HMGA1: variants seen among roughly 807,000 people sequenced by gnomAD.
HMGA1 encodes high mobility group protein HMG-I/HMG-Y.
A neutral mutation model predicts 15.1 loss-of-function variants in HMGA1; 1 was observed. The ratio of observed to expected loss-of-function variants is 0.07; its 90% CI spans 0.02 to 0.31. The LOEUF (loss-of-function observed/expected upper bound fraction) is 0.31, where lower values mean the gene tolerates loss of function less well. Ranked by LOEUF, HMGA1 falls within the 10% of genes least tolerant of loss-of-function variation. The probability of loss-of-function intolerance (pLI) is 1.00; values close to 1 mark genes in which losing one functional copy is unlikely to be tolerated. For synonymous variants in HMGA1, 56 were observed against 54.8 expected (o/e 1.02, Z -0.10); for missense variants, 94 against 141.4 (o/e 0.66, Z 1.70).
rs1762224090 is a variant in HMGA1, at chr6:34,240,615, A to C, written c.-44-122A>C. 6 of 786,376 alleles carry C rather than the reference A, an allele frequency of 7.6e-6. No individual in the cohort carries two copies. In the East Asian group the frequency reaches 1.6e-4, roughly 21 times the overall value. 48.7% of individuals were successfully genotyped at this position (786,376 alleles called of 1,614,324 possible). On this transcript the variant is annotated intron_variant, in intron 2 of 5. Coordinates refer to ENST00000311487, the MANE Select transcript of HMGA1 (RefSeq NM_145899.3). The stretch of plus-strand genomic sequence containing the variant: ...CAGACCCCTCCATCCTGGGCAGAGT[A>C]GGAGGCCTGGGGGCCCATGGGAGCA...
chr6:34,238,121 G>A (rs1581789616), intron 2 of HMGA1, among the ~76,000 whole-genome samples: 2 of 152,190 alleles, frequency 1.3e-5, no homozygotes, highest in East Asian at 3.9e-4. Context: ...GCGCCCGCGC[G>A]CGCCAGGTTT....
At chr6:34,239,573 G>T (rs1406008405) in intron 2 of HMGA1, among the ~76,000 whole-genome samples, 1 of 152,176 alleles carries the variant, frequency 6.6e-6, no homozygotes, top group African/African-American at 2.4e-5. Flanking sequence ...GATTGAGAGG[G>T]GTTCAGAAGT....
At chr6:34,238,263 G>C (rs1456601959) in intron 2 of HMGA1, among the ~76,000 whole-genome samples, 3 of 152,038 alleles carry the variant, frequency 2.0e-5, no homozygotes, top group Non-Finnish European at 4.4e-5. Flanking sequence ...CTCCCCCCGC[G>C]CGCCCTGGCC....
chr6:34,241,963 C>A (rs1420495891), intron 3 of HMGA1, among the ~76,000 whole-genome samples: 1 of 152,146 alleles, frequency 6.6e-6, no homozygotes, highest in Non-Finnish European at 1.5e-5. Flanking sequence ...TCCTACCCCA[C>A]CTGTTAGCCA....
At chr6:34,242,835 G>A in intron 4 of HMGA1, 40 bp downstream of exon 4, 1 of 1,459,330 alleles carries the variant, frequency 6.9e-7, no homozygotes, top group Non-Finnish European at 9.4e-7. Context: ...TGGATGACTA[G>A]CAGAGGATCC....
At chr6:34,242,654 T>C in intron 3 of HMGA1, 58 bp from the exon 4 acceptor site, 1 of 1,230,450 alleles carries the variant, frequency 8.1e-7, no homozygotes, top group Non-Finnish European at 1.2e-6. Flanking sequence ...GGGCTGTGTC[T>C]TCTGAGGGGG....
In HMGA1 at chr6:34,240,572, G is replaced by C; in HGVS notation, c.-44-165G>C. On this transcript the variant is annotated intron_variant, in intron 2 of 5. Transcript: ENST00000311487. ...GGCCAACGGCCCTTCCCCGCCCTTG[G>C]CAGCATCTGGGGGTGGGCAGACCCC... 3.3e-6 allele frequency: 2 copies of C among 606,598 alleles called. 1 individual carries two copies. The highest frequency in any genetic ancestry group is 3.7e-5 in the South Asian group (2 of 53,386). 37.6% of individuals were successfully genotyped at this position (606,598 alleles called of 1,614,324 possible). A position where few individuals can be genotyped will look rare whatever the true frequency, so the allele number is the denominator to read the frequency against.
intron 2 of HMGA1, among the ~76,000 whole-genome samples, chr6:34,238,106 C>G (rs1761964736): frequency 6.6e-6 from 1 of 152,298 alleles, no homozygotes; most frequent in Non-Finnish European, 1.5e-5. Context: ...TTCTTCCTCT[C>G]CCCCGCGCCC....
At chr6:34,237,901 G>C (rs1318486262) in intron 2 of HMGA1, among the ~76,000 whole-genome samples, 2 of 152,090 alleles carry the variant, frequency 1.3e-5, no homozygotes, top group African/African-American at 4.8e-5. Flanking sequence ...GCCTGGGTTT[G>C]GGGCTTCACC....
chr6:34,242,725 A>G lies in HMGA1; in HGVS notation c.149A>G (p.Glu50Gly). The stretch of plus-strand genomic sequence containing the variant: ...CTGTCTTTACAGAAGGAGCCCAGCG[A>G]AGTGCCAACACCTAAGAGACCTCGG... ...ALVGSQKEPS[E>G]VPTPKRPRGR... Residue 50 changes from glutamate (E) to glycine (G), a missense_variant, in exon 4 of 6, where the codon GAA becomes GGA. Glu to Gly is a moderately conservative substitution (Grantham distance 98). Transcript: ENST00000311487. The G allele has an allele frequency of 6.3e-7, 1 of 1,585,414 alleles. No individual in the cohort carries two copies. Among genetic ancestry groups the G allele is most frequent in the Non-Finnish European group, 8.6e-7 (1 of 1,164,122 alleles).
In HMGA1 at chr6:34,240,735, A is replaced by G. The variant is rs112148299; in HGVS notation, c.-44-2A>G. On this transcript the variant is annotated splice_acceptor_variant, in intron 2 of 5. Transcript: ENST00000311487. LOFTEE classifies it low-confidence loss of function (5UTR_SPLICE). ...GTCTAAAAGCACTTTTCTGTCTCCCAGCATCCCAGCCATCACTCTTCCACC... is the reference window on the plus strand; with the variant it reads ...GTCTAAAAGCACTTTTCTGTCTCCCGGCATCCCAGCCATCACTCTTCCACC... The G allele has an allele frequency of 6.2e-7, 1 of 1,610,516 alleles. No individual in the cohort carries two copies. The highest frequency in any genetic ancestry group is 2.2e-5 in the East Asian group (1 of 44,850).
At position 34,240,732 on chromosome 6, in the gene HMGA1, C is replaced by T; in HGVS notation, c.-44-5C>T. ...TTTGTCTAAAAGCACTTTTCTGTCT[C>T]CCAGCATCCCAGCCATCACTCTTCC... On this transcript the variant is annotated splice_polypyrimidine_tract_variant and splice_region_variant and intron_variant, in intron 2 of 5. Transcript: ENST00000311487. 6.2e-7 allele frequency: 1 copy of T among 1,609,838 alleles called. No homozygotes were observed. Among genetic ancestry groups the T allele is most frequent in the Non-Finnish European group, 8.5e-7 (1 of 1,178,376 alleles).
chr6:34,238,356 T>C (rs1762000591), intron 2 of HMGA1, among the ~76,000 whole-genome samples: 1 of 152,118 alleles, frequency 6.6e-6, no homozygotes, highest in African/African-American at 2.4e-5. Flanking sequence ...GCCTGATGCC[T>C]CGGGGGTTTA....
rs567983797 is a variant in HMGA1 at position 34,241,052 on chromosome 6, CACCTGTGTGTACTCCT to C, written c.135+138_135+153del. On this transcript the variant is annotated intron_variant, in intron 3 of 5. Coordinates refer to ENST00000311487, the MANE Select transcript of HMGA1 (RefSeq NM_145899.3). ...CAGTAAGCGTGTGGGTGTGTCCTCC[CACCTGTGTGTACTCCT>C]GCCCCACTTGCAACCCTGGTCAGAT... 6.1e-4 allele frequency: 614 copies of C among 1,002,332 alleles called. 3 individuals carry two copies. Among genetic ancestry groups the C allele is most frequent in the East Asian group, 5.9e-3 (225 of 38,260 alleles). The allele number at this position is 1,002,332 out of a possible 1,614,324, so 62.1% of individuals were successfully genotyped here.
rs532281980 is a variant in HMGA1, at chr6:34,245,853, G to A, written c.*969G>A. ...TTCCTCTGTTCACAAACTACCTCTG[G>A]ACAGTTGTGTTGTTTTTTGTTCAAT... On this transcript the variant is annotated 3_prime_UTR_variant, in exon 6 of 6. Transcript: ENST00000311487. 4.1e-4 allele frequency: 151 copies of A among 366,800 alleles called. 1 individual carries two copies. The South Asian group carries it at 4.3e-3, about 10-fold the overall frequency. 22.7% of individuals were successfully genotyped at this position (366,800 alleles called of 1,614,324 possible). A position where few individuals can be genotyped will look rare whatever the true frequency, so the allele number is the denominator to read the frequency against.
rs534263154 is a variant in HMGA1, at chr6:34,245,187, C to T, written c.*303C>T. 25 of 1,426,312 alleles carry T rather than the reference C, an allele frequency of 1.8e-5. No homozygotes were observed. The highest frequency in any genetic ancestry group is 4.2e-5 in the African/African-American group (3 of 71,218). 88.4% of individuals were successfully genotyped at this position (1,426,312 alleles called of 1,614,324 possible). On this transcript the variant is annotated 3_prime_UTR_variant, in exon 6 of 6. Transcript: ENST00000311487. ...GGCTAACATCCCACTTAGCCGCACC[C>T]TGCACCTGCTGCGTCCCCACTCCCT...
intron 1 of HMGA1, 99 bp downstream of exon 1, chr6:34,237,062 C>T (rs1055468577): frequency 6.6e-6 from 1 of 152,006 alleles, no homozygotes; most frequent in African/African-American, 2.4e-5. Flanking sequence ...GCCCAGCTTC[C>T]TGCCCCTCGC....
chr6:34,238,606 C>T (rs907478510), intron 2 of HMGA1, among the ~76,000 whole-genome samples: 20 of 152,192 alleles, frequency 1.3e-4, no homozygotes, highest in African/African-American at 4.8e-4. Context: ...ATGGAGGAGA[C>T]AGGCTTGAGG....
chr6:34,241,504 T>A (rs4713761), intron 3 of HMGA1, among the ~76,000 whole-genome samples: 8,216 of 152,252 alleles, frequency 0.054, 484 homozygotes, highest in Admixed American at 0.19. Flanking sequence ...TAGATGGAAA[T>A]TGAAGCCCAA....
Sources: allele counts gnomAD v4.1 joint callset (sites outside exome capture counted in the v4.1 genomes callset), GRCh38; gene constraint gnomAD v4.1.1; transcripts MANE v1.5; gene names NCBI Gene and HGNC (gene_info 2026-07-23, HGNC 2026-07-21).